The following COL4A6 variants were observed in gnomAD, a reference collection of about 807,000 sequenced individuals.
COL4A6 encodes collagen alpha-6(IV) chain.
COL4A6 carries 59 observed loss-of-function variants against 126.7 expected under a neutral mutation model. The observed-to-expected ratio is 0.47, with a 90% CI of 0.38 to 0.58. The LOEUF (loss-of-function observed/expected upper bound fraction) is 0.58, where lower values mean the gene tolerates loss of function less well. Among genes scored for constraint, COL4A6 ranks in the 20% least tolerant of loss-of-function variants. The probability of loss-of-function intolerance (pLI) is 0.00; values close to 1 mark genes in which losing one functional copy is unlikely to be tolerated. For synonymous variants in COL4A6, 547 were observed against 496.6 expected, an observed-to-expected ratio of 1.10 and a Z score of -1.35; for missense variants, 1,285 against 1,337.3, an observed-to-expected ratio of 0.96 and a Z score of 0.61.
At position 108,438,303 on chromosome X, in the gene COL4A6, C is replaced by T; in HGVS notation, c.-107G>A. The T allele has an allele frequency of 2.7e-6, 3 of 1,109,465 alleles. No individual in the cohort carries two copies. 91.4% of individuals were successfully genotyped at this position (1,109,465 alleles called of 1,213,427 possible). A position where few individuals can be genotyped will look rare whatever the true frequency, so the allele number is the denominator to read the frequency against. On this transcript the variant is annotated 5_prime_UTR_variant, in exon 1 of 45. Coordinates refer to ENST00000334504, the MANE Select transcript of COL4A6 (RefSeq NM_033641.4). ...TTGGAGGCTGTTTCCTTACTCAGAA[C>T]AGAGTAGGTGGACGAAGTGGCCCAG...
chrX:108,273,066 T>C (rs1156868093), intron 3 of COL4A6, among the ~76,000 whole-genome samples: 3 of 110,476 alleles, frequency 2.7e-5, no homozygotes, highest in Non-Finnish European at 5.7e-5. Flanking sequence ...GTATATCTCC[T>C]AATGCTATCC....
intron 2 of COL4A6, among the ~76,000 whole-genome samples, chrX:108,425,497 G>T (rs1001996885): frequency 4.5e-5 from 5 of 110,084 alleles, no homozygotes; most frequent in Non-Finnish European, 9.5e-5. Context: ...ACTTTGGGAG[G>T]CTAAGGGGGG....
chrX:108,180,680 T>A, intron 24 of COL4A6, 58 bp from the exon 25 acceptor site: 1 of 967,756 alleles, frequency 1.0e-6, no homozygotes. Context: ...TAGGTATGAT[T>A]TGTGATGTTC....
chrX:108,240,845 T>A (rs897720466), intron 3 of COL4A6, among the ~76,000 whole-genome samples: 4 of 112,321 alleles, frequency 3.6e-5, no homozygotes, highest in Non-Finnish European at 3.8e-5. Flanking sequence ...GGAAAAACAT[T>A]ACTAACTATG....
chrX:108,222,843 A>G (rs1162375760), intron 3 of COL4A6, among the ~76,000 whole-genome samples: 1 of 111,883 alleles, frequency 8.9e-6, no homozygotes, highest in African/African-American at 3.3e-5. Context: ...ATTTATTATT[A>G]TTGGGATTTT....
intron 2 of COL4A6, among the ~76,000 whole-genome samples, chrX:108,399,241 C>T (rs929581928): frequency 7.2e-5 from 8 of 111,205 alleles, no homozygotes; most frequent in Non-Finnish European, 1.3e-4. Flanking sequence ...TGCTGTTTTA[C>T]GAACTCATTC....
At chrX:108,227,415 T>A (rs2036198801) in intron 3 of COL4A6, among the ~76,000 whole-genome samples, 2 of 111,374 alleles carry the variant, frequency 1.8e-5, no homozygotes, top group Admixed American at 1.9e-4. Flanking sequence ...CCTTGGGAGA[T>A]CCTGAGAACA....
intron 3 of COL4A6, among the ~76,000 whole-genome samples, chrX:108,229,995 G>T (rs1287247980): frequency 8.9e-6 from 1 of 112,539 alleles, no homozygotes; most frequent in African/African-American, 3.2e-5. Flanking sequence ...ACAGAGGAAA[G>T]TGCAAATGAT....
chrX:108,403,941 G>A (rs1311586421), intron 2 of COL4A6, among the ~76,000 whole-genome samples: 3 of 111,359 alleles, frequency 2.7e-5, no homozygotes, highest in Non-Finnish European at 5.7e-5. Flanking sequence ...ATCGATCTGG[G>A]ACCATTTGCT....
At chrX:108,227,262 A>G (rs1306180223) in intron 3 of COL4A6, among the ~76,000 whole-genome samples, 4 of 112,323 alleles carry the variant, frequency 3.6e-5, no homozygotes, top group Non-Finnish European at 7.5e-5. Context: ...TGATTGAGAA[A>G]TGACTGAGAA....
At position 108,310,898 on chromosome X, in the gene COL4A6, T is replaced by A. The variant is rs180997747; in HGVS notation, c.64-70A>T. On this transcript the variant is annotated intron_variant, in intron 2 of 44. Transcript: ENST00000334504. Reference sequence around the variant, plus strand: ...GCAATGTTGTCCCAGCAGACCTAACTCTTAGCTTCTTTACCAAGTAAATCT... The same window carrying A: ...GCAATGTTGTCCCAGCAGACCTAACACTTAGCTTCTTTACCAAGTAAATCT... The A allele has an allele frequency of 8.8e-6, 7 of 793,803 alleles. No individual in the cohort carries two copies. The African/African-American group carries it at 1.0e-4, about 12-fold the overall frequency. The allele number at this position is 793,803 out of a possible 1,213,427, so 65.4% of individuals were successfully genotyped here. A position where few individuals can be genotyped will look rare whatever the true frequency, so the allele number is the denominator to read the frequency against.
chrX:108,250,363 G>A (rs886860436), intron 3 of COL4A6, among the ~76,000 whole-genome samples: 1 of 110,439 alleles, frequency 9.1e-6, no homozygotes, highest in Non-Finnish European at 1.9e-5. Context: ...TGGCGAATGA[G>A]CATCGGGCAA....
At chrX:108,266,594 T>C (rs2037308662) in intron 3 of COL4A6, among the ~76,000 whole-genome samples, 1 of 111,804 alleles carries the variant, frequency 8.9e-6, no homozygotes. Context: ...TGTTCACTAA[T>C]GGTAATTTGT....
chrX:108,190,714 T>C (rs752209165), intron 19 of COL4A6, among the ~76,000 whole-genome samples: 1 of 111,656 alleles, frequency 9.0e-6, no homozygotes, highest in Non-Finnish European at 1.9e-5. Context: ...TTACAGAATG[T>C]CCATTATGTT....
chrX:108,371,766 AC>A (rs2040332943), intron 2 of COL4A6, among the ~76,000 whole-genome samples: 1 of 106,181 alleles, frequency 9.4e-6, no homozygotes, highest in South Asian at 4.4e-4. Flanking sequence ...CAATAAACAA[AC>A]AAACAAACAA....
intron 2 of COL4A6, among the ~76,000 whole-genome samples, chrX:108,329,637 A>G (rs1244370419): frequency 8.9e-6 from 1 of 112,026 alleles, no homozygotes; most frequent in Non-Finnish European, 1.9e-5. Flanking sequence ...TTTCACAATG[A>G]TTGAGGGTGA....
At chrX:108,178,172 G>C (rs1256543658) in intron 27 of COL4A6, among the ~76,000 whole-genome samples, 1 of 112,659 alleles carries the variant, frequency 8.9e-6, no homozygotes, top group Non-Finnish European at 1.9e-5. Context: ...GCGAGAAAAA[G>C]GCAAAGCTGC....
chrX:108,298,563 G>A (rs1362420522), intron 3 of COL4A6, among the ~76,000 whole-genome samples: 2 of 111,472 alleles, frequency 1.8e-5, no homozygotes, highest in Non-Finnish European at 3.8e-5. Context: ...TGCTGTTCTC[G>A]GGGATCCCCG....
intron 25 of COL4A6, 49 bp downstream of exon 25, chrX:108,180,466 C>T (rs982522158): frequency 5.1e-6 from 5 of 987,529 alleles, no homozygotes; most frequent in Non-Finnish European, 7.1e-6. Flanking sequence ...CACACACACA[C>T]ACACATACAC....
Sources: gnomAD v4.1 joint callset for allele counts (sites outside exome capture counted in the v4.1 genomes callset) on GRCh38, gnomAD v4.1.1 for gene constraint, MANE v1.5 for transcripts, NCBI Gene and HGNC (gene_info 2026-07-23, HGNC 2026-07-21) for gene names.